TYW1: variants seen among roughly 807,000 people sequenced by gnomAD.
TYW1 encodes the protein S-adenosyl-L-methionine-dependent tRNA 4-demethylwyosine synthase TYW1.
In TYW1, 46 loss-of-function variants were observed where a neutral mutation model predicts 96.2. The observed-to-expected ratio is 0.48, with a 90% confidence interval of 0.38 to 0.61. TYW1 has a LOEUF of 0.61. Ranked by LOEUF, TYW1 falls within the 20% of genes least tolerant of loss-of-function variation. The pLI is 0.00. For missense variants in TYW1, 684 were observed against 909.6 expected, an observed-to-expected ratio of 0.75 and a Z score of 3.19; for synonymous variants, 274 against 323.0, an observed-to-expected ratio of 0.85 and a Z score of 1.63.
intron 13 of TYW1, among the ~76,000 whole-genome samples, chr7:67,152,588 A>C (rs1798837128): frequency 6.6e-6 from 1 of 151,594 alleles, no homozygotes; most frequent in Non-Finnish European, 1.5e-5. Context: ...ACACATATTC[A>C]CAGTTTTTTG....
At chr7:67,040,434 G>A (rs1794981782) in intron 7 of TYW1, among the ~76,000 whole-genome samples, 1 of 151,950 alleles carries the variant, frequency 6.6e-6, no homozygotes, top group Non-Finnish European at 1.5e-5. Flanking sequence ...AATGTGTAAT[G>A]TTATGACTCT....
At chr7:67,169,851 G>A (rs10272591) in intron 13 of TYW1, among the ~76,000 whole-genome samples, 42,783 of 152,104 alleles carry the variant, frequency 0.28, 6,531 homozygotes, top group African/African-American at 0.4. Flanking sequence ...ACAGGTTTTA[G>A]TGTGAATATA....
intron 8 of TYW1, 122 bp from the exon 9 acceptor site, chr7:67,055,713 T>C (rs546019244): frequency 5.1e-6 from 3 of 585,012 alleles, no homozygotes; most frequent in Non-Finnish European, 6.0e-6. Flanking sequence ...TTTCCTGCCA[T>C]GGGTTGGTTG....
chr7:67,184,413 C>T (rs1364022007), intron 14 of TYW1, among the ~76,000 whole-genome samples: 1 of 151,854 alleles, frequency 6.6e-6, no homozygotes, highest in Non-Finnish European at 1.5e-5. Context: ...GAATATTTCA[C>T]TGGTGGTCTT....
intron 13 of TYW1, among the ~76,000 whole-genome samples, chr7:67,135,559 T>C (rs1366004756): frequency 6.6e-6 from 1 of 151,452 alleles, no homozygotes; most frequent in Non-Finnish European, 1.5e-5. Flanking sequence ...CGCCTCGGCC[T>C]CCCAAAGTGC....
chr7:67,010,676 C>T (rs1286082316), intron 4 of TYW1, among the ~76,000 whole-genome samples: 3 of 151,822 alleles, frequency 2.0e-5, no homozygotes, highest in Non-Finnish European at 2.9e-5. Flanking sequence ...GGGGTTTCAC[C>T]GTGTTCGCCA....
At chr7:67,038,876 C>T (rs1355630961) in intron 7 of TYW1, among the ~76,000 whole-genome samples, 2 of 152,188 alleles carry the variant, frequency 1.3e-5, no homozygotes, top group Non-Finnish European at 2.9e-5. Context: ...TGCACTCCAG[C>T]CTGGGCAACA....
chr7:67,113,613 T>C (rs1563020447), intron 12 of TYW1, among the ~76,000 whole-genome samples: 3 of 151,284 alleles, frequency 2.0e-5, no homozygotes, highest in African/African-American at 7.3e-5. Context: ...ACTGTTTTTC[T>C]TTTCTTTCTT....
intron 6 of TYW1, among the ~76,000 whole-genome samples, chr7:67,018,977 A>AAAC (rs1562968190): frequency 6.0e-5 from 6 of 100,422 alleles, no homozygotes; most frequent in South Asian, 3.0e-4. Context: ...AAAAAAAGAA[A>AAAC]AAAACAAAAT....
At chr7:67,090,242 G>T (rs111692144) in intron 11 of TYW1, among the ~76,000 whole-genome samples, 8 of 152,160 alleles carry the variant, frequency 5.3e-5, no homozygotes, top group African/African-American at 1.9e-4. Flanking sequence ...CTCAAGTGGA[G>T]TATCTATATC....
chr7:67,213,687 A>G (rs1801116722), intron 15 of TYW1, among the ~76,000 whole-genome samples: 1 of 152,230 alleles, frequency 6.6e-6, no homozygotes, highest in Admixed American at 6.5e-5. Flanking sequence ...ATCCATTTTG[A>G]AAGAGATAAG....
chr7:67,174,210 C>T (rs1455192313), intron 13 of TYW1, among the ~76,000 whole-genome samples: 28 of 152,082 alleles, frequency 1.8e-4, no homozygotes, highest in South Asian at 6.2e-4. Context: ...TCTGCATGTG[C>T]TTTTTTCCCC....
At position 67,184,693 on chromosome 7, in the gene TYW1, GTTATGT is replaced by G. The variant is rs1243460534; in HGVS notation, c.1809+1459_1809+1464del. On this transcript the variant is annotated intron_variant, in intron 14 of 15. Coordinates refer to ENST00000359626, the MANE Select transcript of TYW1 (RefSeq NM_018264.4). ...GTTATGTTATGTTATGTTATGTTATGTTATGTTATGTTATGTTATGTTATGGTTTTT... is the reference window on the plus strand; with the variant it reads ...GTTATGTTATGTTATGTTATGTTATGTATGTTATGTTATGTTATGGTTTTT... Among the ~76,000 whole-genome samples the G allele has an allele frequency of 1.6e-4, 23 of 142,276 alleles. No individual in the cohort carries two copies. The East Asian group carries it at 4.2e-3, about 26-fold the overall frequency. The allele number at this position is 142,276 out of a possible 152,430, so 93.3% of individuals were successfully genotyped here.
chr7:67,203,917 G>T (rs13241749), intron 15 of TYW1, among the ~76,000 whole-genome samples: 23,566 of 152,108 alleles, frequency 0.15, 1,990 homozygotes, highest in African/African-American at 0.21. Flanking sequence ...ATTCTGGATT[G>T]ACAGCTCTTT....
At chr7:67,048,469 G>T (rs1268782988) in intron 7 of TYW1, among the ~76,000 whole-genome samples, 1 of 151,576 alleles carries the variant, frequency 6.6e-6, no homozygotes, top group Non-Finnish European at 1.5e-5. Context: ...CACAGATCTC[G>T]TGTGTTGTCT....
intron 13 of TYW1, among the ~76,000 whole-genome samples, chr7:67,143,519 C>T (rs148720057): frequency 0.029 from 4,450 of 152,264 alleles, 224 homozygotes; most frequent in East Asian, 0.14. Flanking sequence ...TTAAGAGCCA[C>T]CACTGATTAC....
Position 67,083,463 on chromosome 7 carries a change from G to A in TYW1, c.1308G>A (p.Arg436=), listed in dbSNP as rs1394890735. ...HHTNPVGTEW[R]WKMDQPEMIL... ...CCAACCCCGTGGGCACTGAGTGGCG[G>A]TGGAAGATGGACCAGCCTGAAATGA... is the stretch of plus-strand genomic sequence containing the variant. The change falls in exon 11 of 16, where the codon CGG becomes CGA. Residue 436 remains arginine (R), a synonymous_variant. Transcript: ENST00000359626. 12 of 1,614,206 alleles carry A rather than the reference G, an allele frequency of 7.4e-6. No individual in the cohort carries two copies. The highest frequency in any genetic ancestry group is 9.3e-6 in the Non-Finnish European group (11 of 1,180,028).
intron 15 of TYW1, among the ~76,000 whole-genome samples, chr7:67,235,925 G>A (rs1801873043): frequency 6.8e-6 from 1 of 146,178 alleles, no homozygotes; most frequent in African/African-American, 2.6e-5. Context: ...AAGAGGTGAG[G>A]AAGAAAGACT....
At chr7:67,099,476 G>C (rs1390829093) in intron 12 of TYW1, among the ~76,000 whole-genome samples, 1 of 152,196 alleles carries the variant, frequency 6.6e-6, no homozygotes, top group Non-Finnish European at 1.5e-5. Context: ...ACCACAGAAT[G>C]TGTGAAAGAG....
Sources: allele counts gnomAD v4.1 joint callset (sites outside exome capture counted in the v4.1 genomes callset), GRCh38; gene constraint gnomAD v4.1.1; transcripts MANE v1.5; gene names NCBI Gene and HGNC (gene_info 2026-07-23, HGNC 2026-07-21).